USP45: variants seen among roughly 807,000 people sequenced by gnomAD.
USP45 encodes the protein ubiquitin specific peptidase 45.
USP45 carries 89 observed loss-of-function variants against 95.8 expected under a neutral mutation model. That is an observed-to-expected ratio of 0.93 (90% CI 0.78 to 1.11). The LOEUF (loss-of-function observed/expected upper bound fraction) is 1.11, where lower values mean the gene tolerates loss of function less well. Ranked by LOEUF, USP45 falls within the 50% of genes least tolerant of loss-of-function variation. The pLI is 0.00. For missense variants in USP45, 898 were observed against 942.5 expected (o/e 0.95, Z 0.62); for synonymous variants, 281 against 316.2 (o/e 0.89, Z 1.18).
intron 13 of USP45, chr6:99,462,269 G>A (rs987126231): frequency 2.0e-6 from 2 of 984,704 alleles, no homozygotes; most frequent in African/African-American, 1.7e-5. Context: ...TCCATGTGGT[G>A]TCCAGATCTT....
intron 14 of USP45, 110 bp downstream of exon 14, chr6:99,445,687 T>TA: frequency 2.5e-6 from 2 of 810,608 alleles, no homozygotes; most frequent in Non-Finnish European, 3.7e-6. Context: ...AATCTCTGCC[T>TA]AAGTAACACA....
rs1434468642 is a variant in USP45 at position 99,468,544 on chromosome 6, T to A, written c.1008A>T (p.Lys336Asn). ...TKTADDETRK[K>N]VKAYGKEGVK... ...AACAAAGAGTCAACATACCTTTGAC[T>A]TTTTTTCTAGTTTCATCATCAGCAG... Residue 336 changes from lysine to asparagine, a missense_variant, in exon 10 of 18, where the codon AAA becomes AAT. By Grantham distance (94) the Lys-to-Asn change is moderately conservative. Coordinates refer to ENST00000500704, the MANE Select transcript of USP45 (RefSeq NM_001346022.3). 4 of 1,588,980 alleles carry A rather than the reference T, an allele frequency of 2.5e-6. No homozygotes were observed. In the East Asian group the frequency reaches 6.7e-5, roughly 27 times the overall value.
At chr6:99,436,920 C>T (rs1438461246) in intron 17 of USP45, among the ~76,000 whole-genome samples, 2 of 151,814 alleles carry the variant, frequency 1.3e-5, no homozygotes, top group East Asian at 1.9e-4. Context: ...GCCAACACGG[C>T]GAAACCCCGT....
At chr6:99,488,176 A>G (rs1794408925) in intron 7 of USP45, 24 bp downstream of exon 7, 1 of 1,507,280 alleles carries the variant, frequency 6.6e-7, no homozygotes, top group East Asian at 2.3e-5. Flanking sequence ...GAAAGCAGCT[A>G]TTATTCAAAC....
chr6:99,445,004 A>G (rs1782214653), intron 14 of USP45, among the ~76,000 whole-genome samples: 1 of 152,228 alleles, frequency 6.6e-6, no homozygotes, highest in African/African-American at 2.4e-5. Context: ...GATGAACTGA[A>G]AATTTCTTAT....
rs779569061 is a variant in USP45 at position 99,465,040 on chromosome 6, T to C, written c.1164+40A>G. 4.0e-6 allele frequency: 6 copies of C among 1,482,188 alleles called. No individual in the cohort carries two copies. The East Asian group carries it at 1.1e-4, about 28-fold the overall frequency. The allele number at this position is 1,482,188 out of a possible 1,614,324, so 91.8% of individuals were successfully genotyped here. ...AAATGTTTAAATAAATGATTAAATGTTCTTCACCAAAGCTTCATCATTAGT... is the reference window on the plus strand; with the variant it reads ...AAATGTTTAAATAAATGATTAAATGCTCTTCACCAAAGCTTCATCATTAGT... On this transcript the variant is annotated intron_variant, in intron 12 of 17. Transcript: ENST00000500704.
intron 15 of USP45, 138 bp from the exon 16 acceptor site, chr6:99,439,993 A>C (rs112990062): frequency 2.1e-6 from 1 of 478,058 alleles, no homozygotes; most frequent in Non-Finnish European, 3.6e-6. Context: ...GTCTAAAATT[A>C]ATATGAATAA....
upstream of USP45, among the ~76,000 whole-genome samples, chr6:99,515,683 GT>G (rs1801037171): frequency 6.6e-6 from 1 of 151,784 alleles, no homozygotes; most frequent in Non-Finnish European, 1.5e-5. Context: ...CACCTCGGAT[GT>G]TGCAGGAGTC....
In USP45 at chr6:99,473,777, AAC is replaced by A. The variant is rs60031754; in HGVS notation, c.933+2364_933+2365del. ...CTCAAAAAAAAAACAAAAAAAACAAAACACACACACACACACACACACACAAA... is the reference window on the plus strand; with the variant it reads ...CTCAAAAAAAAAACAAAAAAAACAAAACACACACACACACACACACACAAA... On this transcript the variant is annotated intron_variant, in intron 9 of 17. Transcript: ENST00000500704. Among the ~76,000 whole-genome samples the A allele has an allele frequency of 2.3e-4, 29 of 127,744 alleles. 1 individual carries two copies. The highest frequency in any genetic ancestry group is 1.2e-3 in the East Asian group (5 of 4,194). The allele number at this position is 127,744 out of a possible 152,430, so 83.8% of individuals were successfully genotyped here. A position where few individuals can be genotyped will look rare whatever the true frequency, so the allele number is the denominator to read the frequency against.
chr6:99,488,375 T>C lies in USP45; in HGVS notation c.619-80A>G, dbSNP rs574190424. On this transcript the variant is annotated intron_variant, in intron 6 of 17. Transcript: ENST00000500704. ...TTATGGAATACACTCTCAAATTTCA[T>C]CTAGCATAGCAAAAGTGTCTATTTC... 38 of 912,026 alleles carry C rather than the reference T, an allele frequency of 4.2e-5. No individual in the cohort carries two copies. In the South Asian group the frequency reaches 5.3e-4, roughly 13 times the overall value. The allele number at this position is 912,026 out of a possible 1,614,324, so 56.5% of individuals were successfully genotyped here. A position where few individuals can be genotyped will look rare whatever the true frequency, so the allele number is the denominator to read the frequency against.
chr6:99,460,534 C>T (rs1458542459), intron 13 of USP45, among the ~76,000 whole-genome samples: 1 of 152,128 alleles, frequency 6.6e-6, no homozygotes, highest in African/African-American at 2.4e-5. Context: ...GCCATTTTCT[C>T]AAATATCTCT....
intron 17 of USP45, 123 bp from the exon 18 acceptor site, chr6:99,435,969 G>GT (rs1269726914): frequency 2.2e-6 from 2 of 911,848 alleles, no homozygotes; most frequent in East Asian, 6.2e-5. Flanking sequence ...TGAGAAGCCT[G>GT]TTTTTTCTTG....
intron 8 of USP45, among the ~76,000 whole-genome samples, chr6:99,478,800 G>A (rs1218390135): frequency 6.6e-6 from 1 of 152,142 alleles, no homozygotes; most frequent in East Asian, 1.9e-4. Flanking sequence ...CAAAGTTGAA[G>A]ACCTTGCTCC....
At chr6:99,437,650 T>G (rs1470434506) in intron 16 of USP45, among the ~76,000 whole-genome samples, 1 of 152,132 alleles carries the variant, frequency 6.6e-6, no homozygotes, top group Non-Finnish European at 1.5e-5. Flanking sequence ...CAGGGATGTT[T>G]CTTTTTTTCT....
rs371785982 is a variant in USP45 at position 99,443,549 on chromosome 6, T to C, written c.2073+16A>G. ...AAACACATGATGAAAATTATGGTGC[T>C]ACTGAAGAAACTTACCTGATGAAAT... On this transcript the variant is annotated intron_variant, in intron 15 of 17. Coordinates refer to ENST00000500704, the MANE Select transcript of USP45 (RefSeq NM_001346022.3). 7.0e-6 allele frequency: 11 copies of C among 1,570,674 alleles called. No homozygotes were observed. The highest frequency in any genetic ancestry group is 9.6e-6 in the Non-Finnish European group (11 of 1,147,166).
At chr6:99,508,416 C>T (rs577676043) in intron 3 of USP45, among the ~76,000 whole-genome samples, 194 bp downstream of exon 3, 5 of 152,244 alleles carry the variant, frequency 3.3e-5, no homozygotes, top group Non-Finnish European at 2.9e-5. Context: ...ATAAACCACA[C>T]CTGATTACTT....
intron 13 of USP45, among the ~76,000 whole-genome samples, chr6:99,452,290 G>A (rs1025130292): frequency 5.3e-5 from 8 of 151,986 alleles, no homozygotes; most frequent in Non-Finnish European, 1.2e-4. Flanking sequence ...TGTGACAAAG[G>A]GCAAATATCC....
At chr6:99,486,033 A>T (rs1793788342) in intron 7 of USP45, among the ~76,000 whole-genome samples, 1 of 152,230 alleles carries the variant, frequency 6.6e-6, no homozygotes, top group Non-Finnish European at 1.5e-5. Context: ...TAATAATGGG[A>T]GAAGGCTGAA....
chr6:99,498,961 G>C (rs1796856684), intron 5 of USP45, among the ~76,000 whole-genome samples: 1 of 151,950 alleles, frequency 6.6e-6, no homozygotes, highest in Admixed American at 6.6e-5. Flanking sequence ...TTTATTTTTA[G>C]AGCCAAGTCT....
Sources: allele counts gnomAD v4.1 joint callset (sites outside exome capture counted in the v4.1 genomes callset), GRCh38; gene constraint gnomAD v4.1.1; transcripts MANE v1.5; gene names NCBI Gene and HGNC (gene_info 2026-07-23, HGNC 2026-07-21).